Variants in GAL3ST1 observed in about 807,000 individuals in gnomAD.
The protein encoded by GAL3ST1 is galactose-3-O-sulfotransferase 1.
A neutral mutation model predicts 25.0 loss-of-function variants in GAL3ST1; 13 were observed. The observed-to-expected ratio is 0.52, with a 90% CI of 0.34 to 0.83. The LOEUF (loss-of-function observed/expected upper bound fraction) is 0.83, where lower values mean the gene tolerates loss of function less well. Ranked by LOEUF, GAL3ST1 falls within the 40% of genes least tolerant of loss-of-function variation. GAL3ST1 has a pLI of 0.02. For missense variants in GAL3ST1, 474 were observed against 613.6 expected, an observed-to-expected ratio of 0.77 and a Z score of 2.40; for synonymous variants, 274 against 277.8, an observed-to-expected ratio of 0.99 and a Z score of 0.14.
At chr22:30,566,869 A>G (rs1193209398) in intron 1 of GAL3ST1, among the ~76,000 whole-genome samples, 1 of 152,164 alleles carries the variant, frequency 6.6e-6, no homozygotes, top group Non-Finnish European at 1.5e-5. Flanking sequence ...TTAGCCTCCC[A>G]AAGTGCTGGG....
intron 1 of GAL3ST1, among the ~76,000 whole-genome samples, chr22:30,569,601 G>C (rs1425145096): frequency 6.6e-6 from 1 of 151,944 alleles, no homozygotes; most frequent in Non-Finnish European, 1.5e-5. Context: ...TCTTGGGGGA[G>C]GGAAAGAGGT....
In GAL3ST1 at chr22:30,555,061, C is replaced by G. The variant is rs764337612; in HGVS notation, c.1164G>C (p.Gln388His). ...LKKSIGQRHA[Q>H]LCRRMLTPEI... The stretch of plus-strand genomic sequence containing the variant: ...CGGGCGTGAGCATGCGCCGGCAGAG[C>G]TGCGCGTGCCGCTGCCCGATGCTCT... The change falls in exon 4 of 4, where the codon CAG becomes CAC. Residue 388 changes from glutamine to histidine, a missense_variant. Transcript: ENST00000406361. This position sits in a 1 kb window ranked among gnomAD's most constrained non-coding sequence, Gnocchi z 8.6. 10 of 1,612,552 alleles carry G rather than the reference C, an allele frequency of 6.2e-6. No homozygotes were observed. The highest frequency in any genetic ancestry group is 1.1e-5 in the South Asian group (1 of 91,070).
intron 1 of GAL3ST1, among the ~76,000 whole-genome samples, chr22:30,559,480 C>A (rs1172436118): frequency 6.6e-6 from 1 of 152,192 alleles, no homozygotes; most frequent in African/African-American, 2.4e-5. Context: ...ACCTTGTGAT[C>A]TGCCCACCTT....
chr22:30,557,712 T>C (rs2086125801), intron 2 of GAL3ST1: 1 of 262,314 alleles, frequency 3.8e-6, no homozygotes, highest in Admixed American at 5.3e-5. Flanking sequence ...CCACTCCTTT[T>C]AATTTTTAAG....
rs1354980856 is a variant in GAL3ST1, at chr22:30,574,493, G to T, written c.-147C>A. 1 of 150,714 alleles carries T rather than the reference G, an allele frequency of 6.6e-6. No homozygotes were observed. The highest frequency in any genetic ancestry group is 2.4e-5 in the African/African-American group (1 of 41,208). The allele number at this position is 150,714 out of a possible 1,614,324, so 9.3% of individuals were successfully genotyped here. A position where few individuals can be genotyped will look rare whatever the true frequency, so the allele number is the denominator to read the frequency against. On this transcript the variant is annotated 5_prime_UTR_variant, in exon 1 of 4. Coordinates refer to ENST00000406361, the MANE Select transcript of GAL3ST1 (RefSeq NM_001318104.2). Reference sequence around the variant, plus strand: ...TGTCCCCGTCCTCCTCCGCCTCAGCGTGGCTGGCTCGGCCCGGGCCGCGCC... The same window carrying T: ...TGTCCCCGTCCTCCTCCGCCTCAGCTTGGCTGGCTCGGCCCGGGCCGCGCC...
intron 2 of GAL3ST1, among the ~76,000 whole-genome samples, chr22:30,558,035 G>A (rs796656701): frequency 6.6e-6 from 1 of 151,470 alleles, no homozygotes; most frequent in Admixed American, 6.6e-5. Context: ...CAATCCGCCC[G>A]CCTTGGCCTC....
intron 3 of GAL3ST1, among the ~76,000 whole-genome samples, chr22:30,556,437 A>C (rs2086032419): frequency 6.6e-6 from 1 of 152,160 alleles, no homozygotes; most frequent in Non-Finnish European, 1.5e-5. Context: ...AAAATGGTCC[A>C]TTTTTGCAGA....
At chr22:30,559,367 A>T (rs1014097012) in intron 1 of GAL3ST1, among the ~76,000 whole-genome samples, 2 of 151,804 alleles carry the variant, frequency 1.3e-5, no homozygotes, top group Admixed American at 1.3e-4. Context: ...CAGCCTCCCA[A>T]GTAGCTGGGA....
In GAL3ST1 at chr22:30,557,386, G is replaced by A; in HGVS notation, c.7C>T (p.Pro3Ser). The stretch of plus-strand genomic sequence containing the variant: ...GACTCCCAGGGCTTCTTCTGCGGTG[G>A]CAGCATCTCAGACACCTGCAGGGGC... MLPPQKKPWESMA... is the reference protein window; with the variant it reads MLSPQKKPWESMA... Residue 3 changes from proline (P) to serine (S), a missense_variant, in exon 3 of 4, where the codon CCA (proline) becomes TCA (serine). Physicochemically the swap from Pro to Ser is moderately conservative, Grantham distance 74. Coordinates refer to ENST00000406361, the MANE Select transcript of GAL3ST1 (RefSeq NM_001318104.2). The A allele has an allele frequency of 6.2e-7, 1 of 1,614,174 alleles. No individual in the cohort carries two copies. The highest frequency in any genetic ancestry group is 8.5e-7 in the Non-Finnish European group (1 of 1,180,024).
chr22:30,559,523 G>C (rs2086257681), intron 1 of GAL3ST1, among the ~76,000 whole-genome samples: 1 of 152,162 alleles, frequency 6.6e-6, no homozygotes, highest in Non-Finnish European at 1.5e-5. Context: ...ACAGGCATGA[G>C]CCACCGCGCC....
Position 30,569,075 on chromosome 22 carries a change from CAA to C in GAL3ST1, c.-120+5389_-120+5390del, listed in dbSNP as rs66507126. 5.7e-3 allele frequency among the ~76,000 whole-genome samples: 491 copies of C among 86,138 alleles called. 2 individuals are homozygous for C. The highest frequency in any genetic ancestry group is 0.019 in the Middle Eastern group (3 of 154). The allele number at this position is 86,138 out of a possible 152,430, so 56.5% of individuals were successfully genotyped here. On this transcript the variant is annotated intron_variant, in intron 1 of 3. Transcript: ENST00000406361. ...TGGGCAACAGAGCGAGACTCCATCT[CAA>C]AAAAAAAAAAAAAAAAAAAGAGGGA...
chr22:30,566,878 G>A (rs2146418042), intron 1 of GAL3ST1, among the ~76,000 whole-genome samples: 1 of 152,162 alleles, frequency 6.6e-6, no homozygotes, highest in East Asian at 1.9e-4. Context: ...CAAAGTGCTG[G>A]GATTACAGGC....
At position 30,555,861 on chromosome 22, in the gene GAL3ST1, C is replaced by T. The variant is rs201414101; in HGVS notation, c.364G>A (p.Ala122Thr). The T allele has an allele frequency of 3.2e-4, 517 of 1,614,152 alleles. 2 individuals are homozygous for T. Among genetic ancestry groups the T allele is most frequent in the Non-Finnish European group, 8.7e-5 (103 of 1,180,026 alleles). ...RNDFDYPTFF[A>T]RSLVQDYRPG... ...CGATAGTCCTGCACCAGGCTGCGGG[C>T]GAAGAAGGTCGGGTAGTCGAAGTCA... The change falls in exon 4 of 4, where the codon GCC becomes ACC. Residue 122 changes from alanine to threonine, a missense_variant. By Grantham distance (58) the Ala-to-Thr change is moderately conservative. Around this residue, in one of 2 missense-constraint regions of GAL3ST1, gnomAD observed 359 missense variants for 504.4 expected, o/e 0.71. Transcript: ENST00000406361. The surrounding 1 kb of genome is among the most constrained non-coding windows in gnomAD (Gnocchi z 8.6).
chr22:30,557,550 G>C, intron 2 of GAL3ST1, 149 bp from the exon 3 acceptor site: 1 of 754,506 alleles, frequency 1.3e-6, no homozygotes, highest in South Asian at 1.9e-5. Context: ...GCACTGGAGA[G>C]ATAGACTGAC....
At chr22:30,563,452 C>G (rs547259578) in intron 1 of GAL3ST1, among the ~76,000 whole-genome samples, 2 of 152,066 alleles carry the variant, frequency 1.3e-5, no homozygotes, top group Admixed American at 1.3e-4. Flanking sequence ...CTCATCTCTA[C>G]AAAAAATACA....
intron 1 of GAL3ST1, among the ~76,000 whole-genome samples, chr22:30,563,608 C>T (rs1483388629): frequency 1.3e-5 from 2 of 151,490 alleles, no homozygotes; most frequent in East Asian, 3.9e-4. Flanking sequence ...AGAGCAAGAC[C>T]CTATCTCAAA....
rs368647297 is a variant in GAL3ST1 at position 30,561,789 on chromosome 22, G to A, written c.-119-3401C>T. ...GAAAGCAGAGGGGGCCCTGGTGTCC[G>A]TCCCTCCCGTGCCAGCCACCTGAGG... On this transcript the variant is annotated intron_variant, in intron 1 of 3. Transcript: ENST00000406361. 2.6e-5 allele frequency among the ~76,000 whole-genome samples: 4 copies of A among 152,134 alleles called. No individual in the cohort carries two copies. In the South Asian group the frequency reaches 6.2e-4, roughly 24 times the overall value.
intron 1 of GAL3ST1, chr22:30,572,893 T>C (rs2086823274): frequency 6.6e-6 from 1 of 152,208 alleles, no homozygotes; most frequent in African/African-American, 2.4e-5. Flanking sequence ...AATCATTGCC[T>C]CTTTCACTGG....
chr22:30,554,864 G>A lies in GAL3ST1; in HGVS notation c.*89C>T. On this transcript the variant is annotated 3_prime_UTR_variant, in exon 4 of 4. Coordinates refer to ENST00000406361, the MANE Select transcript of GAL3ST1 (RefSeq NM_001318104.2). The stretch of plus-strand genomic sequence containing the variant: ...CCCGGGGTCTGAGGTGGCACCAGGA[G>A]GGGGCTGGGGGCGGCCAGCACCAGC... 2 of 1,079,588 alleles carry A rather than the reference G, an allele frequency of 1.9e-6. No homozygotes were observed. The highest frequency in any genetic ancestry group is 2.7e-5 in the East Asian group (1 of 37,314). 66.9% of individuals were successfully genotyped at this position (1,079,588 alleles called of 1,614,324 possible). A position where few individuals can be genotyped will look rare whatever the true frequency, so the allele number is the denominator to read the frequency against.
Sources: gnomAD v4.1 joint callset for allele counts (sites outside exome capture counted in the v4.1 genomes callset) on GRCh38, gnomAD v4.1.1 for gene constraint, gnomAD v4.1.1 regional missense constraint, Gnocchi (gnomAD v3.1) non-coding constraint, MANE v1.5 for transcripts, NCBI Gene and HGNC (gene_info 2026-07-23, HGNC 2026-07-21) for gene names.